Variants in ZMYND8 observed in about 807,000 individuals in gnomAD.
ZMYND8 encodes MYND-type zinc finger-containing chromatin reader ZMYND8.
ZMYND8 carries 37 observed loss-of-function variants against 140.8 expected under a neutral mutation model. The ratio of observed to expected loss-of-function variants is 0.26; its 90% confidence interval spans 0.20 to 0.35. The LOEUF (loss-of-function observed/expected upper bound fraction) is 0.35. ZMYND8 is among the 10% of genes least tolerant of loss of function. The pLI, the probability that ZMYND8 is intolerant of heterozygous loss-of-function variation, is 1.00. For synonymous variants in ZMYND8, 592 were observed against 597.1 expected (o/e 0.99, Z 0.12); for missense variants, 1,068 against 1,570.0 (o/e 0.68, Z 5.40).
At chr20:47,266,282 A>C (rs6090650) in intron 11 of ZMYND8, among the ~76,000 whole-genome samples, 6 of 34,214 alleles carry the variant, frequency 1.8e-4, no homozygotes, top group Admixed American at 2.6e-4. Context: ...TTTGGGGGGG[A>C]GGGGGGCGGG....
intron 12 of ZMYND8, among the ~76,000 whole-genome samples, chr20:47,252,243 G>A (rs2074244971): frequency 7.2e-6 from 1 of 138,870 alleles, no homozygotes; most frequent in South Asian, 2.3e-4. Context: ...CAGTGAGCGA[G>A]ATCGCACCAC....
At chr20:47,256,883 A>T (rs541879159) in intron 12 of ZMYND8, among the ~76,000 whole-genome samples, 1 of 152,286 alleles carries the variant, frequency 6.6e-6, no homozygotes, top group South Asian at 2.1e-4. Flanking sequence ...CTGCATTTTC[A>T]ACAGAGCATC....
intron 19 of ZMYND8, among the ~76,000 whole-genome samples, chr20:47,222,472 C>A (rs1270846238): frequency 2.0e-5 from 3 of 152,188 alleles, no homozygotes; most frequent in East Asian, 3.9e-4. Context: ...GGAGGCGGAG[C>A]TTGCAGTGAG....
intron 19 of ZMYND8, 101 bp from the exon 20 acceptor site, chr20:47,221,575 C>T: frequency 7.2e-7 from 1 of 1,392,234 alleles, no homozygotes; most frequent in Non-Finnish European, 9.5e-7. Flanking sequence ...ACCCAAGGCT[C>T]AGCCCTACCC....
At position 47,292,078 on chromosome 20, in the gene ZMYND8, T is replaced by A. The variant is rs148584410; in HGVS notation, c.568-190A>T. Among the ~76,000 whole-genome samples, 84 of 152,310 alleles carry A rather than the reference T, an allele frequency of 5.5e-4. 1 individual carries two copies. The South Asian group carries it at 8.1e-3, about 15-fold the overall frequency. ...CTAATTCTGCCTGGTTATTGATAAT[T>A]ATAAGCCCAATTGTGATCCAATTTT... On this transcript the variant is annotated intron_variant, in intron 5 of 22. Coordinates refer to ENST00000471951, the MANE Select transcript of ZMYND8 (RefSeq NM_001281775.3).
At chr20:47,279,078 AC>A (rs894487397) in intron 10 of ZMYND8, among the ~76,000 whole-genome samples, 3 of 151,916 alleles carry the variant, frequency 2.0e-5, no homozygotes, top group Non-Finnish European at 2.9e-5. Context: ...CCTCACCCAC[AC>A]ACTTCTGTCC....
Position 47,239,061 on chromosome 20 carries a change from C to A in ZMYND8, c.2362G>T (p.Ala788Ser). 1 of 1,566,292 alleles carries A rather than the reference C, an allele frequency of 6.4e-7. No homozygotes were observed. Among genetic ancestry groups the A allele is most frequent in the African/African-American group, 1.4e-5 (1 of 74,024 alleles). ...PETPVLTRSS[A>S]QTSAAGATAT... The stretch of plus-strand genomic sequence containing the variant: ...GTGGCGCCAGCCGCGGAAGTTTGGG[C>A]GGAAGAGCGGGTGAGCACCGGTGTT... Residue 788 changes from alanine to serine, a missense_variant, in exon 15 of 23, where the codon GCC (alanine) becomes TCC (serine). Physicochemically the swap from Ala to Ser is moderately conservative, Grantham distance 99. Coordinates refer to ENST00000471951, the MANE Select transcript of ZMYND8 (RefSeq NM_001281775.3).
chr20:47,302,034 T>G (rs975653152), intron 3 of ZMYND8, among the ~76,000 whole-genome samples: 1 of 152,178 alleles, frequency 6.6e-6, no homozygotes, highest in African/African-American at 2.4e-5. Context: ...CTCCCCACCT[T>G]GATTGTAAGT....
At chr20:47,325,097 G>T (rs2080304383) in intron 2 of ZMYND8, among the ~76,000 whole-genome samples, 1 of 152,018 alleles carries the variant, frequency 6.6e-6, no homozygotes, top group African/African-American at 2.4e-5. Context: ...TAGAGACGGG[G>T]TTTCACCATG....
At chr20:47,304,817 C>G (rs377445185) in intron 3 of ZMYND8, among the ~76,000 whole-genome samples, 20 of 152,316 alleles carry the variant, frequency 1.3e-4, no homozygotes, top group African/African-American at 4.3e-4. Flanking sequence ...AGGCAGCCCC[C>G]ACTCAGCTCC....
intron 3 of ZMYND8, among the ~76,000 whole-genome samples, chr20:47,305,028 A>G (rs1158810285): frequency 1.3e-5 from 2 of 152,022 alleles, no homozygotes; most frequent in East Asian, 3.9e-4. Context: ...GAACAGCTTG[A>G]GCCCAGGAGT....
intron 1 of ZMYND8, chr20:47,352,495 G>A: frequency 2.0e-6 from 2 of 985,386 alleles, no homozygotes; most frequent in Non-Finnish European, 2.4e-6. Context: ...TTAGATTTCT[G>A]ACCACCCCCA....
At chr20:47,331,573 C>G (rs1003959864) in intron 2 of ZMYND8, among the ~76,000 whole-genome samples, 4 of 152,144 alleles carry the variant, frequency 2.6e-5, no homozygotes, top group African/African-American at 9.7e-5. Flanking sequence ...TGGGTAAGAT[C>G]ACCCAGAGAA....
At chr20:47,267,884 A>C (rs1230377475) in intron 11 of ZMYND8, among the ~76,000 whole-genome samples, 1 of 152,146 alleles carries the variant, frequency 6.6e-6, no homozygotes, top group East Asian at 1.9e-4. Context: ...CACTGGCTCG[A>C]ATTCCTCCAT....
intron 2 of ZMYND8, chr20:47,318,657 C>G (rs1266381198): frequency 2.2e-6 from 1 of 448,652 alleles, no homozygotes; most frequent in Non-Finnish European, 4.5e-6. Flanking sequence ...TCTCTTAGAC[C>G]CACAGAAACT....
chr20:47,347,710 T>C (rs1235584669), intron 2 of ZMYND8, 146 bp downstream of exon 2: 3 of 770,070 alleles, frequency 3.9e-6, no homozygotes, highest in South Asian at 3.4e-5. Flanking sequence ...ATTAGGTTCA[T>C]CCATCAAAAA....
At chr20:47,306,111 G>A (rs915584673) in intron 3 of ZMYND8, among the ~76,000 whole-genome samples, 3 of 152,068 alleles carry the variant, frequency 2.0e-5, no homozygotes, top group South Asian at 2.1e-4. Flanking sequence ...CTTTTGGCTC[G>A]GCGCAGTGGT....
At chr20:47,217,898 T>C (rs902812757) in intron 21 of ZMYND8, among the ~76,000 whole-genome samples, 3 of 146,490 alleles carry the variant, frequency 2.0e-5, no homozygotes, top group Non-Finnish European at 4.5e-5. Flanking sequence ...CACCATTTAC[T>C]GGGGCTTCTT....
intron 11 of ZMYND8, among the ~76,000 whole-genome samples, chr20:47,270,727 AG>A (rs1374545143): frequency 4.0e-5 from 6 of 151,006 alleles, no homozygotes; most frequent in African/African-American, 1.5e-4. Context: ...AAAGAAAGAA[AG>A]AAAAAGAAAA....
Sources: gnomAD v4.1 joint callset for allele counts (sites outside exome capture counted in the v4.1 genomes callset) on GRCh38, gnomAD v4.1.1 for gene constraint, MANE v1.5 for transcripts, NCBI Gene and HGNC (gene_info 2026-07-23, HGNC 2026-07-21) for gene names.